The following FLVCR2 variants were observed in gnomAD, a reference collection of about 807,000 sequenced individuals.
FLVCR2 encodes choline/ethanolamine transporter FLVCR2.
FLVCR2 carries 38 observed loss-of-function variants against 48.9 expected under a neutral mutation model. That is an observed-to-expected ratio of 0.78 (90% CI 0.60 to 1.02). The LOEUF (loss-of-function observed/expected upper bound fraction) is 1.02. Ranked by LOEUF, FLVCR2 falls within the 50% of genes least tolerant of loss-of-function variation. FLVCR2 has a pLI of 0.00. For synonymous variants in FLVCR2, 255 were observed against 257.0 expected, an observed-to-expected ratio of 0.99 and a Z score of 0.07; for missense variants, 664 against 663.3, an observed-to-expected ratio of 1.00 and a Z score of -0.01.
At chr14:75,640,771 G>C (rs866293532) in intron 6 of FLVCR2, 184 bp from the exon 7 acceptor site, 2 of 640,378 alleles carry the variant, frequency 3.1e-6, no homozygotes, top group Non-Finnish European at 5.6e-6. Flanking sequence ...CTTCTTCCTG[G>C]CCTTCAGGGG....
chr14:75,627,275 G>T (rs529550244), intron 3 of FLVCR2, among the ~76,000 whole-genome samples: 1 of 150,376 alleles, frequency 6.6e-6, no homozygotes, highest in South Asian at 2.1e-4. Flanking sequence ...TTCTTGAATG[G>T]TGGAGTAAGG....
chr14:75,638,633 T>C (rs1339479724), intron 5 of FLVCR2, among the ~76,000 whole-genome samples: 2 of 152,108 alleles, frequency 1.3e-5, no homozygotes, highest in African/African-American at 4.8e-5. Context: ...TCATCATGGC[T>C]GATGTTTGTC....
At chr14:75,604,533 G>C (rs1889242540) in intron 1 of FLVCR2, among the ~76,000 whole-genome samples, 1 of 151,618 alleles carries the variant, frequency 6.6e-6, no homozygotes, top group Non-Finnish European at 1.5e-5. Context: ...GACCAGCCTG[G>C]GCAACATAGT....
chr14:75,593,937 C>T (rs1888954724), intron 1 of FLVCR2, among the ~76,000 whole-genome samples: 2 of 152,162 alleles, frequency 1.3e-5, no homozygotes, highest in Admixed American at 1.3e-4. Flanking sequence ...TTACTAATTC[C>T]ACCTTTTAGT....
intron 1 of FLVCR2, among the ~76,000 whole-genome samples, chr14:75,608,507 A>G (rs563431193): frequency 8.9e-4 from 135 of 152,296 alleles, no homozygotes; most frequent in African/African-American, 3.1e-3. Flanking sequence ...CTGTGGTGGC[A>G]TAGCACAGAA....
chr14:75,644,038 GAA>G (rs111764331), intron 9 of FLVCR2, among the ~76,000 whole-genome samples: 3 of 140,500 alleles, frequency 2.1e-5, no homozygotes, highest in Non-Finnish European at 3.1e-5. Flanking sequence ...ACTCCATCTC[GAA>G]AAAAAAAAAA....
intron 1 of FLVCR2, among the ~76,000 whole-genome samples, chr14:75,603,872 C>CT (rs2140020064): frequency 6.6e-6 from 1 of 152,280 alleles, no homozygotes; most frequent in African/African-American, 2.4e-5. Context: ...GTCATGAAGC[C>CT]CACAAAGGGG....
intron 9 of FLVCR2, among the ~76,000 whole-genome samples, chr14:75,642,398 A>C (rs1394719904): frequency 6.6e-6 from 1 of 152,234 alleles, no homozygotes; most frequent in Non-Finnish European, 1.5e-5. Context: ...TGGGGCTCTG[A>C]AAGGACAAGT....
intron 1 of FLVCR2, among the ~76,000 whole-genome samples, chr14:75,612,718 G>T (rs1889491045): frequency 6.6e-6 from 1 of 152,094 alleles, no homozygotes; most frequent in Admixed American, 6.5e-5. Context: ...TCTTAGTTTT[G>T]CAGTGTCTCT....
rs1890437556 is a variant in FLVCR2 at position 75,647,049 on chromosome 14, T to C, written c.*577T>C. 1 of 169,692 alleles carries C rather than the reference T, an allele frequency of 5.9e-6. No homozygotes were observed. The highest frequency in any genetic ancestry group is 1.3e-5 in the Non-Finnish European group (1 of 77,200). The allele number at this position is 169,692 out of a possible 1,614,324, so 10.5% of individuals were successfully genotyped here. ...GCCTAAATTTTCCTGGCCTAACGGGTCTGTCTCCAAACCCTCTTTCCTAAG... is the reference window on the plus strand; with the variant it reads ...GCCTAAATTTTCCTGGCCTAACGGGCCTGTCTCCAAACCCTCTTTCCTAAG... On this transcript the variant is annotated 3_prime_UTR_variant, in exon 10 of 10. Coordinates refer to ENST00000238667, the MANE Select transcript of FLVCR2 (RefSeq NM_017791.3).
At chr14:75,597,494 A>G (rs1220448097) in intron 1 of FLVCR2, among the ~76,000 whole-genome samples, 1 of 152,180 alleles carries the variant, frequency 6.6e-6, no homozygotes, top group South Asian at 2.1e-4. Context: ...CCATGGGGAT[A>G]GATGAAAATA....
At chr14:75,589,832 T>G (rs1413518313) in intron 1 of FLVCR2, among the ~76,000 whole-genome samples, 2 of 152,218 alleles carry the variant, frequency 1.3e-5, no homozygotes, top group Non-Finnish European at 2.9e-5. Context: ...AAGCCACACC[T>G]GGGACCACTT....
At chr14:75,634,101 A>C (rs1262857015) in intron 4 of FLVCR2, among the ~76,000 whole-genome samples, 1 of 152,158 alleles carries the variant, frequency 6.6e-6, no homozygotes, top group East Asian at 1.9e-4. Flanking sequence ...TATATATAAA[A>C]TATTTCTGAA....
rs1890428396 is a variant in FLVCR2 at position 75,646,704 on chromosome 14, T to G, written c.*232T>G. ...AAATTTGATTCCCACCTCCACCCCCTTTTAGGTTATGGGAGTTGGTGTTGG... is the reference window on the plus strand; with the variant it reads ...AAATTTGATTCCCACCTCCACCCCCGTTTAGGTTATGGGAGTTGGTGTTGG... On this transcript the variant is annotated 3_prime_UTR_variant, in exon 10 of 10. Transcript: ENST00000238667. The G allele has an allele frequency of 3.1e-5, 17 of 547,088 alleles. No individual in the cohort carries two copies. In the South Asian group the frequency reaches 3.1e-4, roughly 10 times the overall value. The allele number at this position is 547,088 out of a possible 1,614,324, so 33.9% of individuals were successfully genotyped here. A position where few individuals can be genotyped will look rare whatever the true frequency, so the allele number is the denominator to read the frequency against.
Position 75,579,485 on chromosome 14 carries a change from C to G in FLVCR2, c.513C>G (p.Ser171Arg), listed in dbSNP as rs1234141170. ...NCLGAWVKLG[S>R]LKPHLFPVTV... is the part of the protein sequence containing the mutation. Reference sequence around the variant, plus strand: ...TGGGGGCCTGGGTGAAGCTGGGCAGCCTGAAGCCGCATCTCTTTCCGGTCA... The same window carrying G: ...TGGGGGCCTGGGTGAAGCTGGGCAGGCTGAAGCCGCATCTCTTTCCGGTCA... Residue 171 changes from serine (S) to arginine (R), a missense_variant, in exon 1 of 10, where the codon AGC becomes AGG. Ser to Arg is a moderately radical substitution (Grantham distance 110). Coordinates refer to ENST00000238667, the MANE Select transcript of FLVCR2 (RefSeq NM_017791.3). 1 of 1,613,008 alleles carries G rather than the reference C, an allele frequency of 6.2e-7. No homozygotes were observed. The highest frequency in any genetic ancestry group is 8.5e-7 in the Non-Finnish European group (1 of 1,179,214).
In FLVCR2 at chr14:75,646,544, A is replaced by G; in HGVS notation, c.*72A>G. 9.3e-7 allele frequency: 1 copy of G among 1,080,980 alleles called. No homozygotes were observed. The highest frequency in any genetic ancestry group is 1.4e-6 in the Non-Finnish European group (1 of 698,380). 67.0% of individuals were successfully genotyped at this position (1,080,980 alleles called of 1,614,324 possible). On this transcript the variant is annotated 3_prime_UTR_variant, in exon 10 of 10. Coordinates refer to ENST00000238667, the MANE Select transcript of FLVCR2 (RefSeq NM_017791.3). ...CTTCAGCACAGCTCTCACCGCCAGC[A>G]CAAAGGGCTTCGCTAGAGATGTTTT...
intron 5 of FLVCR2, among the ~76,000 whole-genome samples, chr14:75,638,337 T>C (rs1890219094): frequency 6.6e-6 from 1 of 152,140 alleles, no homozygotes; most frequent in African/African-American, 2.4e-5. Flanking sequence ...CTTGGGAGGC[T>C]GAGGCAGAAG....
chr14:75,583,771 A>G (rs1888669841), intron 1 of FLVCR2, among the ~76,000 whole-genome samples: 1 of 152,182 alleles, frequency 6.6e-6, no homozygotes, highest in Admixed American at 6.5e-5. Flanking sequence ...AATACCCACA[A>G]CAGTTATGGA....
intron 1 of FLVCR2, among the ~76,000 whole-genome samples, chr14:75,584,938 T>C (rs1322992022): frequency 6.6e-6 from 1 of 152,128 alleles, no homozygotes; most frequent in Non-Finnish European, 1.5e-5. Context: ...GCCACCTCTT[T>C]AAGAGGAAAT....
Sources: allele counts gnomAD v4.1 joint callset (sites outside exome capture counted in the v4.1 genomes callset), GRCh38; gene constraint gnomAD v4.1.1; transcripts MANE v1.5; gene names NCBI Gene and HGNC (gene_info 2026-07-23, HGNC 2026-07-21).